LPCAT1: variants seen among roughly 807,000 people sequenced by gnomAD.
LPCAT1 encodes lysophosphatidylcholine acyltransferase 1, also known as 1-acylglycerol-3-phosphate O-acyltransferase.
Under a neutral mutation model 60.9 loss-of-function variants are expected in LPCAT1, and 23 were observed. That is an observed-to-expected ratio of 0.38 (90% confidence interval 0.27 to 0.53). LPCAT1 has a LOEUF of 0.53. Ranked by LOEUF, LPCAT1 falls within the 20% of genes least tolerant of loss-of-function variation. The pLI, the probability that LPCAT1 is intolerant of heterozygous loss-of-function variation, is 0.82. For synonymous variants in LPCAT1, 340 were observed against 301.1 expected, an observed-to-expected ratio of 1.13 and a Z score of -1.34; for missense variants, 622 against 723.6, an observed-to-expected ratio of 0.86 and a Z score of 1.61.
At chr5:1,464,626 G>A (rs1027230368) in intron 13 of LPCAT1, among the ~76,000 whole-genome samples, 3 of 145,096 alleles carry the variant, frequency 2.1e-5, no homozygotes, top group African/African-American at 7.7e-5. Context: ...GCACACACAC[G>A]GTAACCACAC....
chr5:1,481,105 G>C lies in LPCAT1; in HGVS notation c.727-129C>G. 8.9e-7 allele frequency: 1 copy of C among 1,127,588 alleles called. No individual in the cohort carries two copies. 69.8% of individuals were successfully genotyped at this position (1,127,588 alleles called of 1,614,324 possible). Reference sequence around the variant, plus strand: ...GGCGCTGCAGCCAGGGGGAAGGGAGGAGGGTGCTAGAGCTCCAGCTTCCCA... The same window carrying C: ...GGCGCTGCAGCCAGGGGGAAGGGAGCAGGGTGCTAGAGCTCCAGCTTCCCA... On this transcript the variant is annotated intron_variant, in intron 6 of 13. Coordinates refer to ENST00000283415, the MANE Select transcript of LPCAT1 (RefSeq NM_024830.5). The surrounding 1 kb of genome is among the most constrained non-coding windows in gnomAD (Gnocchi z 7.8).
Position 1,480,500 on chromosome 5 carries a change from C to G in LPCAT1, c.761+442G>C, listed in dbSNP as rs1228071509. The G allele has an allele frequency of 2.9e-6, 1 of 348,616 alleles. No individual in the cohort carries two copies. Among genetic ancestry groups the G allele is most frequent in the African/African-American group, 2.2e-5 (1 of 44,946 alleles). The allele number at this position is 348,616 out of a possible 1,614,324, so 21.6% of individuals were successfully genotyped here. A position where few individuals can be genotyped will look rare whatever the true frequency, so the allele number is the denominator to read the frequency against. ...GTTTCCGTGGGGTTGTTCATTGTTGCATAACTGACCTTCGGTGTCTCTGCT... is the reference window on the plus strand; with the variant it reads ...GTTTCCGTGGGGTTGTTCATTGTTGGATAACTGACCTTCGGTGTCTCTGCT... On this transcript the variant is annotated intron_variant, in intron 7 of 13. Transcript: ENST00000283415. This position sits in a 1 kb window ranked among gnomAD's most constrained non-coding sequence, Gnocchi z 6.4.
chr5:1,507,100 G>A (rs1360308548), intron 1 of LPCAT1, among the ~76,000 whole-genome samples: 2 of 152,206 alleles, frequency 1.3e-5, no homozygotes, highest in African/African-American at 4.8e-5. Context: ...GAGGCTGAAT[G>A]CGGAGAGGGG....
At chr5:1,509,522 A>G (rs1270000884) in intron 1 of LPCAT1, among the ~76,000 whole-genome samples, 1 of 152,144 alleles carries the variant, frequency 6.6e-6, no homozygotes, top group Admixed American at 6.6e-5. Context: ...ATCCCATCGG[A>G]CGGAGCCGGC....
chr5:1,488,807 C>T (rs1735463658), intron 4 of LPCAT1, among the ~76,000 whole-genome samples: 1 of 152,194 alleles, frequency 6.6e-6, no homozygotes, highest in African/African-American at 2.4e-5. Flanking sequence ...CTGGGGGCAG[C>T]ACTCATTCTC....
Position 1,462,322 on chromosome 5 carries a change from A to T in LPCAT1, c.*1329T>A, listed in dbSNP as rs1427700334. ...TGGGTTTCTAATTCTGTCATAAAAA[A>T]TGATGAAACAAGGTGATGTCAGAGG... On this transcript the variant is annotated 3_prime_UTR_variant, in exon 14 of 14. Coordinates refer to ENST00000283415, the MANE Select transcript of LPCAT1 (RefSeq NM_024830.5). 1 of 152,602 alleles carries T rather than the reference A, an allele frequency of 6.6e-6. No homozygotes were observed. The highest frequency in any genetic ancestry group is 2.4e-5 in the African/African-American group (1 of 41,442). 9.5% of individuals were successfully genotyped at this position (152,602 alleles called of 1,614,324 possible).
intron 1 of LPCAT1, among the ~76,000 whole-genome samples, chr5:1,509,837 T>G (rs999826539): frequency 1.3e-5 from 2 of 152,166 alleles, no homozygotes; most frequent in African/African-American, 4.8e-5. Flanking sequence ...ACCATTGCCG[T>G]GGGCTCTCTC....
rs765931537 is a variant in LPCAT1, at chr5:1,487,379, C to T, written c.667+1012G>A. 3.9e-5 allele frequency among the ~76,000 whole-genome samples: 6 copies of T among 152,164 alleles called. No individual in the cohort carries two copies. The highest frequency in any genetic ancestry group is 5.9e-5 in the Non-Finnish European group (4 of 68,016). ...ACCACGCGTGGTGAAGACAATGGAA[C>T]GGGAAGACCCAGTACCTTCCAGTGA... On this transcript the variant is annotated intron_variant, in intron 5 of 13. Coordinates refer to ENST00000283415, the MANE Select transcript of LPCAT1 (RefSeq NM_024830.5). This position sits in a 1 kb window ranked among gnomAD's most constrained non-coding sequence, Gnocchi z 6.1.
chr5:1,485,738 C>T (rs898820401), intron 5 of LPCAT1, among the ~76,000 whole-genome samples: 8 of 151,810 alleles, frequency 5.3e-5, no homozygotes, highest in African/African-American at 1.5e-4. Context: ...GGGACAGCCA[C>T]ATCCATGTTT....
chr5:1,505,519 G>T (rs887740039), intron 1 of LPCAT1, among the ~76,000 whole-genome samples: 2 of 152,002 alleles, frequency 1.3e-5, no homozygotes, highest in African/African-American at 4.8e-5. Flanking sequence ...AACAACACGG[G>T]GCATGAATGA....
At chr5:1,469,962 C>T (rs1456903219) in intron 12 of LPCAT1, among the ~76,000 whole-genome samples, 3 of 152,232 alleles carry the variant, frequency 2.0e-5, no homozygotes, top group Admixed American at 2.0e-4. Flanking sequence ...TCGAGTTCAT[C>T]CTGCCTGGGG....
Position 1,463,570 on chromosome 5 carries a change from G to A in LPCAT1, c.*81C>T, listed in dbSNP as rs1734194582. On this transcript the variant is annotated 3_prime_UTR_variant, in exon 14 of 14. Coordinates refer to ENST00000283415, the MANE Select transcript of LPCAT1 (RefSeq NM_024830.5). Reference sequence around the variant, plus strand: ...GCCTGTACAGCAGGAGTGAGGAGCGGAGCCCAGAGGTCACTCGCAAAGAGG... The same window carrying A: ...GCCTGTACAGCAGGAGTGAGGAGCGAAGCCCAGAGGTCACTCGCAAAGAGG... 7 of 1,472,054 alleles carry A rather than the reference G, an allele frequency of 4.8e-6. No homozygotes were observed. In the South Asian group the frequency reaches 7.4e-5, roughly 16 times the overall value. The allele number at this position is 1,472,054 out of a possible 1,614,324, so 91.2% of individuals were successfully genotyped here.
At chr5:1,519,071 C>CA (rs1259192055) in intron 1 of LPCAT1, among the ~76,000 whole-genome samples, 1 of 152,258 alleles carries the variant, frequency 6.6e-6, no homozygotes, top group African/African-American at 2.4e-5. Context: ...AAAGTTGGCA[C>CA]AGATGCGTGC....
At chr5:1,484,627 G>C (rs1050560136) in intron 5 of LPCAT1, among the ~76,000 whole-genome samples, 1 of 152,188 alleles carries the variant, frequency 6.6e-6, no homozygotes, top group African/African-American at 2.4e-5. Flanking sequence ...TTGCCCCTAG[G>C]GCTGCCAGGA....
At position 1,470,942 on chromosome 5, in the gene LPCAT1, C is replaced by T; in HGVS notation, c.1180-18G>A. ...CTGCCGCTCTGTGGGGAGAGACGCT[C>T]TCAGCCACAGCTCGGCCGCCTTCGG... On this transcript the variant is annotated intron_variant, in intron 11 of 13. Transcript: ENST00000283415. The T allele has an allele frequency of 6.2e-7, 1 of 1,607,868 alleles. No individual in the cohort carries two copies. The highest frequency in any genetic ancestry group is 1.1e-5 in the South Asian group (1 of 90,568).
chr5:1,510,479 G>A (rs1029765471), intron 1 of LPCAT1, among the ~76,000 whole-genome samples: 1 of 152,144 alleles, frequency 6.6e-6, no homozygotes, highest in Admixed American at 6.5e-5. Flanking sequence ...AATCGGCCCC[G>A]CAGTCCCACA....
chr5:1,469,719 T>G (rs557098998), intron 12 of LPCAT1, among the ~76,000 whole-genome samples: 37 of 152,012 alleles, frequency 2.4e-4, no homozygotes, highest in African/African-American at 8.2e-4. Context: ...AGAGGTTGGT[T>G]GCAGTGAGCC....
At chr5:1,510,830 G>A (rs1444514790) in intron 1 of LPCAT1, 1 of 152,646 alleles carries the variant, frequency 6.6e-6, no homozygotes, top group South Asian at 2.1e-4. Flanking sequence ...CTGGAGGGCA[G>A]GCAGGCCTGG....
In LPCAT1 at chr5:1,495,328, T is replaced by A. The variant is rs1735746944; in HGVS notation, c.279-414A>T. 2.3e-5 allele frequency among the ~76,000 whole-genome samples: 2 copies of A among 88,200 alleles called. No homozygotes were observed. The highest frequency in any genetic ancestry group is 1.1e-4 in the African/African-American group (2 of 17,834). 57.9% of individuals were successfully genotyped at this position (88,200 alleles called of 152,430 possible). The stretch of plus-strand genomic sequence containing the variant: ...AAAACACCTAAAACGCATATCGCAA[T>A]ATGGGGGGGGGGGCGCTCAGAGCTG... On this transcript the variant is annotated intron_variant, in intron 2 of 13. Transcript: ENST00000283415. The surrounding 1 kb of genome is among the most constrained non-coding windows in gnomAD (Gnocchi z 4.7).
Sources: gnomAD v4.1 joint callset for allele counts (sites outside exome capture counted in the v4.1 genomes callset) on GRCh38, gnomAD v4.1.1 for gene constraint, Gnocchi (gnomAD v3.1) non-coding constraint, MANE v1.5 for transcripts, NCBI Gene and HGNC (gene_info 2026-07-23, HGNC 2026-07-21) for gene names.